HS6ST2: variants seen among roughly 807,000 people sequenced by gnomAD.
The protein encoded by HS6ST2 is heparan-sulfate 6-O-sulfotransferase 2.
In HS6ST2, 17 loss-of-function variants were observed where a neutral mutation model predicts 33.0. That is an observed-to-expected ratio of 0.52 (90% CI 0.35 to 0.77). The LOEUF (loss-of-function observed/expected upper bound fraction) is 0.77. Among genes scored for constraint, HS6ST2 ranks in the 30% least tolerant of loss-of-function variants. The pLI, the probability that HS6ST2 is intolerant of heterozygous loss-of-function variation, is 0.01. For synonymous variants in HS6ST2, 248 were observed against 237.1 expected, an observed-to-expected ratio of 1.05 and a Z score of -0.42; for missense variants, 519 against 551.7, an observed-to-expected ratio of 0.94 and a Z score of 0.59.
chrX:132,668,225 C>G (rs1195864657), intron 4 of HS6ST2: 1 of 111,588 alleles, frequency 9.0e-6, no homozygotes, highest in African/African-American at 3.3e-5. Context: ...TATCTTATTG[C>G]TAGATTAGAG....
chrX:132,794,570 TGA>T (rs1491117165), intron 2 of HS6ST2, among the ~76,000 whole-genome samples: 37 of 100,411 alleles, frequency 3.7e-4, no homozygotes, highest in African/African-American at 1.4e-3. Context: ...ATGATGATGA[TGA>T]TGATTATTAT....
chrX:132,799,370 C>CT (rs771580446), intron 2 of HS6ST2, among the ~76,000 whole-genome samples: 31,775 of 98,956 alleles, frequency 0.32, 4,492 homozygotes, highest in African/African-American at 0.4. Flanking sequence ...TTCTCTTTTA[C>CT]TTTTTTTTTT....
intron 4 of HS6ST2, among the ~76,000 whole-genome samples, chrX:132,640,166 C>T (rs1231538147): frequency 1.8e-5 from 2 of 109,247 alleles, no homozygotes; most frequent in Non-Finnish European, 3.8e-5. Context: ...TGCATGTATA[C>T]GGGTGCCAGC....
At chrX:132,868,752 A>G (rs901547760) in intron 2 of HS6ST2, among the ~76,000 whole-genome samples, 2 of 112,002 alleles carry the variant, frequency 1.8e-5, no homozygotes, top group Non-Finnish European at 3.8e-5. Flanking sequence ...GACACTACAT[A>G]CCAGAATCTC....
intron 2 of HS6ST2, among the ~76,000 whole-genome samples, chrX:132,813,845 T>A (rs2065372170): frequency 8.9e-6 from 1 of 111,800 alleles, no homozygotes; most frequent in African/African-American, 3.3e-5. Flanking sequence ...ACACTGCCAC[T>A]AGAGAAAGCA....
At chrX:132,686,490 A>G (rs756266417) in intron 3 of HS6ST2, among the ~76,000 whole-genome samples, 1 of 111,436 alleles carries the variant, frequency 9.0e-6, no homozygotes, top group Non-Finnish European at 1.9e-5. Flanking sequence ...AAAGTATCTC[A>G]TTAGGGAATG....
intron 1 of HS6ST2, 120 bp downstream of exon 1, chrX:132,958,055 C>T (rs2067106750): frequency 1.4e-6 from 1 of 720,683 alleles, no homozygotes; most frequent in African/African-American, 2.2e-5. Context: ...CTAGCCGGGC[C>T]ACCAATGGCC....
chrX:132,874,309 G>A (rs1301676717), intron 2 of HS6ST2, among the ~76,000 whole-genome samples: 1 of 112,685 alleles, frequency 8.9e-6, no homozygotes, highest in Admixed American at 9.3e-5. Flanking sequence ...TGGGCATGGT[G>A]GCTCACTCCT....
chrX:132,645,778 C>T (rs1348384537), intron 4 of HS6ST2, among the ~76,000 whole-genome samples: 3 of 112,413 alleles, frequency 2.7e-5, no homozygotes, highest in African/African-American at 9.7e-5. Flanking sequence ...ATTTATATTT[C>T]TCAGTTCATT....
chrX:132,889,692 G>C (rs1271721373), intron 2 of HS6ST2, among the ~76,000 whole-genome samples: 2 of 111,293 alleles, frequency 1.8e-5, no homozygotes, highest in Admixed American at 1.9e-4. Context: ...GGAAGGTGGA[G>C]AAACAGAGAG....
rs148777397 is a variant in HS6ST2 at position 132,929,183 on chromosome X, G to A, written c.947+27625C>T. Among the ~76,000 whole-genome samples, 430 of 111,433 alleles carry A rather than the reference G, an allele frequency of 3.9e-3. 1 individual carries two copies. The highest frequency in any genetic ancestry group is 0.013 in the African/African-American group (385 of 30,673). On this transcript the variant is annotated intron_variant, in intron 2 of 4. Coordinates refer to ENST00000370833, the MANE Select transcript of HS6ST2 (RefSeq NM_001394073.1). ...TGATCTTATTGAGCTAAAATTAGGTGAGTGCAACACGGAGCCTCAAAGACT... is the reference window on the plus strand; with the variant it reads ...TGATCTTATTGAGCTAAAATTAGGTAAGTGCAACACGGAGCCTCAAAGACT...
chrX:132,702,414 T>C (rs1353699906), intron 3 of HS6ST2, among the ~76,000 whole-genome samples: 1 of 112,199 alleles, frequency 8.9e-6, no homozygotes, highest in Non-Finnish European at 1.9e-5. Context: ...GGGAAGAGCG[T>C]GAACATGCTG....
At chrX:132,812,427 A>AATAATG (rs2065356353) in intron 2 of HS6ST2, among the ~76,000 whole-genome samples, 1 of 103,250 alleles carries the variant, frequency 9.7e-6, no homozygotes, top group African/African-American at 3.5e-5. Context: ...TAATAATAAT[A>AATAATG]ATAATAATAA....
At chrX:132,880,833 T>G (rs1304880667) in intron 2 of HS6ST2, among the ~76,000 whole-genome samples, 1 of 101,052 alleles carries the variant, frequency 9.9e-6, no homozygotes, top group Non-Finnish European at 2.0e-5. Flanking sequence ...TGTGTCCAAG[T>G]GTACTCATTG....
chrX:132,666,894 C>T (rs979095274), intron 4 of HS6ST2, among the ~76,000 whole-genome samples: 3 of 111,091 alleles, frequency 2.7e-5, no homozygotes, highest in Non-Finnish European at 5.7e-5. Context: ...AAAGAAAATA[C>T]ACCATGGGGA....
At chrX:132,663,094 T>A (rs1230488008) in intron 4 of HS6ST2, among the ~76,000 whole-genome samples, 1 of 112,109 alleles carries the variant, frequency 8.9e-6, no homozygotes, top group East Asian at 2.8e-4. Context: ...ATGAGGTAGG[T>A]ACAAAGTTAA....
intron 2 of HS6ST2, among the ~76,000 whole-genome samples, chrX:132,820,512 C>T (rs1056320716): frequency 7.2e-5 from 8 of 111,257 alleles, no homozygotes; most frequent in South Asian, 3.8e-4. Context: ...TTGTAGGCAT[C>T]GGAGAAAGCC....
chrX:132,759,689 C>T (rs1402832071), intron 2 of HS6ST2, among the ~76,000 whole-genome samples: 1 of 111,532 alleles, frequency 9.0e-6, no homozygotes, highest in Admixed American at 9.5e-5. Flanking sequence ...TAAAAAAAAG[C>T]AAACAATTTG....
chrX:132,859,667 A>AG (rs2065889995), intron 2 of HS6ST2, among the ~76,000 whole-genome samples: 1 of 78,684 alleles, frequency 1.3e-5, no homozygotes, highest in African/African-American at 5.2e-5. Flanking sequence ...GAAGGGAGGA[A>AG]GAGGGAGGGA....
Sources: allele counts gnomAD v4.1 joint callset (sites outside exome capture counted in the v4.1 genomes callset), GRCh38; gene constraint gnomAD v4.1.1; transcripts MANE v1.5; gene names NCBI Gene and HGNC (gene_info 2026-07-23, HGNC 2026-07-21).